Variants in ARL8B observed in about 807,000 individuals in gnomAD.
ARL8B encodes ADP-ribosylation factor-like protein 8B.
Under a neutral mutation model 30.6 loss-of-function variants are expected in ARL8B, and 9 were observed. That is an observed-to-expected ratio of 0.29 (90% CI 0.18 to 0.51). The LOEUF (loss-of-function observed/expected upper bound fraction) is 0.51, where lower values mean the gene tolerates loss of function less well. Ranked by LOEUF, ARL8B falls within the 20% of genes least tolerant of loss-of-function variation. ARL8B has a pLI of 0.97. For synonymous variants in ARL8B, 74 were observed against 76.0 expected (o/e 0.97, Z 0.14); for missense variants, 130 against 227.2 (o/e 0.57, Z 2.75).
intron 6 of ARL8B, among the ~76,000 whole-genome samples, chr3:5,177,157 G>T (rs1200572884): frequency 6.6e-6 from 1 of 152,156 alleles, no homozygotes; most frequent in Non-Finnish European, 1.5e-5. Flanking sequence ...CTCATATATG[G>T]AAGTGCAGTA....
intron 6 of ARL8B, among the ~76,000 whole-genome samples, chr3:5,177,321 A>G (rs2054739000): frequency 1.3e-5 from 2 of 152,222 alleles, no homozygotes; most frequent in South Asian, 2.1e-4. Flanking sequence ...AAAATTCGAA[A>G]TAAGTATTTT....
At chr3:5,152,347 T>C (rs895792769) in intron 1 of ARL8B, among the ~76,000 whole-genome samples, 3 of 152,248 alleles carry the variant, frequency 2.0e-5, no homozygotes, top group African/African-American at 7.2e-5. Context: ...ATCCTTGGTA[T>C]ATTTTCTTGC....
chr3:5,158,040 A>T (rs1463145437), intron 1 of ARL8B, among the ~76,000 whole-genome samples: 1 of 151,814 alleles, frequency 6.6e-6, no homozygotes, highest in Non-Finnish European at 1.5e-5. Context: ...CAATGGAGCG[A>T]TCTCAGCTCA....
chr3:5,165,462 G>C (rs2054615845), intron 1 of ARL8B, among the ~76,000 whole-genome samples: 1 of 152,068 alleles, frequency 6.6e-6, no homozygotes, highest in Admixed American at 6.6e-5. Context: ...TGCCCAGTGT[G>C]TGAATTTTGG....
rs1339466621 is a variant in ARL8B at position 5,180,636 on chromosome 3, AAC to A, written c.*1925_*1926del. ...TTAACCTCTGCATGTGAAAACTTTT[AAC>A]AGTTACTGAACTATGTAAATATGTG... On this transcript the variant is annotated 3_prime_UTR_variant, in exon 7 of 7. Transcript: ENST00000256496. 2 of 152,694 alleles carry A rather than the reference AAC, an allele frequency of 1.3e-5. No individual in the cohort carries two copies. The highest frequency in any genetic ancestry group is 4.8e-5 in the African/African-American group (2 of 41,474). The allele number at this position is 152,694 out of a possible 1,614,324, so 9.5% of individuals were successfully genotyped here.
intron 1 of ARL8B, among the ~76,000 whole-genome samples, chr3:5,161,954 C>G (rs1559283802): frequency 6.6e-6 from 1 of 152,132 alleles, no homozygotes; most frequent in African/African-American, 2.4e-5. Context: ...TGACTGATGG[C>G]TAAGTGAGTA....
At chr3:5,173,987 G>A (rs553989442) in intron 4 of ARL8B, 30 bp from the exon 5 acceptor site, 9 of 1,512,652 alleles carry the variant, frequency 5.9e-6, no homozygotes, top group African/African-American at 2.7e-5. Flanking sequence ...TTGCATAAAC[G>A]TGTGCTCTTA....
At chr3:5,175,699 C>CT (rs1390890681) in intron 6 of ARL8B, among the ~76,000 whole-genome samples, 1 of 152,190 alleles carries the variant, frequency 6.6e-6, no homozygotes, top group Non-Finnish European at 1.5e-5. Context: ...GTCGTGTTCT[C>CT]TCTGAAGGCT....
At chr3:5,129,782 C>T (rs1047138398) in intron 1 of ARL8B, among the ~76,000 whole-genome samples, 1 of 152,116 alleles carries the variant, frequency 6.6e-6, no homozygotes, top group Non-Finnish European at 1.5e-5. Flanking sequence ...TTTAGGGAGG[C>T]AGAGACAGGA....
chr3:5,143,334 AG>A lies in ARL8B; in HGVS notation c.123+20749del, dbSNP rs545433488. Reference sequence around the variant, plus strand: ...TAGATTTTTCTCAGAGTTAACTTTAAGGGTTACTTAAAGTTAACCTCTGCAA... The same window carrying A: ...TAGATTTTTCTCAGAGTTAACTTTAAGGTTACTTAAAGTTAACCTCTGCAA... On this transcript the variant is annotated intron_variant, in intron 1 of 6. Coordinates refer to ENST00000256496, the MANE Select transcript of ARL8B (RefSeq NM_018184.3). 3.8e-3 allele frequency among the ~76,000 whole-genome samples: 572 copies of A among 152,278 alleles called. 20 individuals are homozygous for A. Among genetic ancestry groups the A allele is most frequent in the Non-Finnish European group, 1.2e-3 (80 of 68,016 alleles).
At chr3:5,125,586 G>T (rs2054223612) in intron 1 of ARL8B, among the ~76,000 whole-genome samples, 1 of 150,750 alleles carries the variant, frequency 6.6e-6, no homozygotes, top group Non-Finnish European at 1.5e-5. Context: ...AGGCTGGAGT[G>T]CAGTGGCATG....
chr3:5,150,747 C>T (rs2106562352), intron 1 of ARL8B, among the ~76,000 whole-genome samples: 1 of 152,312 alleles, frequency 6.6e-6, no homozygotes, highest in South Asian at 2.1e-4. Context: ...TGCTCCACTG[C>T]ACTCCACCAT....
intron 1 of ARL8B, among the ~76,000 whole-genome samples, chr3:5,140,961 G>T (rs1173195877): frequency 2.0e-5 from 3 of 152,144 alleles, no homozygotes; most frequent in African/African-American, 7.2e-5. Flanking sequence ...AGTTACAACA[G>T]GTAATTTATC....
At chr3:5,169,736 T>C (rs1271165370) in intron 1 of ARL8B, among the ~76,000 whole-genome samples, 1 of 152,220 alleles carries the variant, frequency 6.6e-6, no homozygotes, top group Non-Finnish European at 1.5e-5. Context: ...ATAGAATGAC[T>C]AGATTTTCAC....
intron 1 of ARL8B, among the ~76,000 whole-genome samples, chr3:5,136,679 G>C (rs146147738): frequency 0.014 from 2,060 of 152,310 alleles, 16 homozygotes; most frequent in Non-Finnish European, 0.019. Flanking sequence ...AAATTAGCTA[G>C]TGAAATTACA....
At chr3:5,136,474 C>T (rs895716425) in intron 1 of ARL8B, among the ~76,000 whole-genome samples, 1 of 152,150 alleles carries the variant, frequency 6.6e-6, no homozygotes, top group Non-Finnish European at 1.5e-5. Context: ...ATTCTTCCGC[C>T]TCCTGTCACT....
chr3:5,149,575 C>G (rs1181158390), intron 1 of ARL8B, among the ~76,000 whole-genome samples: 1 of 152,216 alleles, frequency 6.6e-6, no homozygotes, highest in Admixed American at 6.5e-5. Flanking sequence ...TACAATCTTC[C>G]CAGATGTGTA....
At chr3:5,122,728 C>T in intron 1 of ARL8B, 140 bp downstream of exon 1, 1 of 986,734 alleles carries the variant, frequency 1.0e-6, no homozygotes, top group Non-Finnish European at 1.5e-6. Context: ...CTGTCATCTC[C>T]CGAGGGCCAG....
intron 1 of ARL8B, among the ~76,000 whole-genome samples, chr3:5,135,846 G>A (rs1469785876): frequency 6.7e-6 from 1 of 150,040 alleles, no homozygotes; most frequent in Non-Finnish European, 1.5e-5. Flanking sequence ...GAGTGCAGTG[G>A]CGCGATGTTG....
Sources: allele counts gnomAD v4.1 joint callset (sites outside exome capture counted in the v4.1 genomes callset), GRCh38; gene constraint gnomAD v4.1.1; transcripts MANE v1.5; gene names NCBI Gene and HGNC (gene_info 2026-07-23, HGNC 2026-07-21).